The following ADGRL3 variants were observed in gnomAD, a reference collection of about 807,000 sequenced individuals.
ADGRL3 encodes the protein calcium-independent alpha-latrotoxin receptor 3.
In ADGRL3, 62 loss-of-function variants were observed where a neutral mutation model predicts 153.5. The observed-to-expected ratio is 0.40, with a 90% confidence interval of 0.33 to 0.50. The LOEUF (loss-of-function observed/expected upper bound fraction) is 0.50, where lower values mean the gene tolerates loss of function less well. Among genes scored for constraint, ADGRL3 ranks in the 20% least tolerant of loss-of-function variants. ADGRL3 has a pLI of 0.47. For synonymous variants in ADGRL3, 710 were observed against 672.5 expected (o/e 1.06, Z -0.86); for missense variants, 1,641 against 1,859.4 (o/e 0.88, Z 2.16).
intron 6 of ADGRL3, among the ~76,000 whole-genome samples, chr4:61,712,711 C>T (rs1255571080): frequency 6.6e-6 from 1 of 152,162 alleles, no homozygotes; most frequent in African/African-American, 2.4e-5. Context: ...AGTTACATCA[C>T]TGATACCACT....
At position 61,215,472 on chromosome 4, in the gene ADGRL3, T is replaced by C. The variant is rs976488360; in HGVS notation, c.-240+13707T>C. Among the ~76,000 whole-genome samples, 7 of 151,996 alleles carry C rather than the reference T, an allele frequency of 4.6e-5. No homozygotes were observed. The East Asian group carries it at 5.8e-4, about 13-fold the overall frequency. ...TTTTAGTTTCCTTAAAAATATATTG[T>C]CAAGAGTTGAAGTAACTTGCCCAAA... On this transcript the variant is annotated intron_variant, in intron 1 of 26. Coordinates refer to ENST00000683033, the MANE Select transcript of ADGRL3 (RefSeq NM_001387552.1).
chr4:61,316,549 C>T (rs749703577), intron 1 of ADGRL3, among the ~76,000 whole-genome samples: 1 of 152,142 alleles, frequency 6.6e-6, no homozygotes, highest in East Asian at 1.9e-4. Flanking sequence ...GGAAGAATGA[C>T]GTATCTTGTT....
intron 4 of ADGRL3, 86 bp from the exon 5 acceptor site, chr4:61,587,141 C>T: frequency 2.5e-6 from 2 of 796,840 alleles, no homozygotes; most frequent in East Asian, 2.7e-5. Flanking sequence ...ATTGATTTAC[C>T]CCAAACATTG....
At chr4:61,678,267 A>T (rs558344350) in intron 6 of ADGRL3, among the ~76,000 whole-genome samples, 3 of 152,164 alleles carry the variant, frequency 2.0e-5, no homozygotes, top group Admixed American at 1.3e-4. Context: ...TCTATCAAGG[A>T]ATTTTATTTA....
intron 9 of ADGRL3, among the ~76,000 whole-genome samples, chr4:61,879,474 T>A (rs2149468179): frequency 6.6e-6 from 1 of 152,276 alleles, no homozygotes; most frequent in African/African-American, 2.4e-5. Context: ...AGCCCAAAGG[T>A]AATTTTATAC....
intron 1 of ADGRL3, among the ~76,000 whole-genome samples, chr4:61,222,839 G>T (rs1312635214): frequency 6.6e-6 from 1 of 152,032 alleles, no homozygotes; most frequent in Non-Finnish European, 1.5e-5. Context: ...TTCCTCTTAG[G>T]GGTCCTTAAT....
intron 4 of ADGRL3, among the ~76,000 whole-genome samples, chr4:61,580,020 G>T (rs1442415398): frequency 7.2e-5 from 11 of 152,062 alleles, no homozygotes; most frequent in Admixed American, 3.3e-4. Flanking sequence ...ATGACACGGA[G>T]AAAATACATG....
At position 61,381,129 on chromosome 4, in the gene ADGRL3, A is replaced by G. The variant is rs184414092; in HGVS notation, c.-239-1995A>G. The stretch of plus-strand genomic sequence containing the variant: ...ATTGAGAAAGGCATTGAGATGTTGA[A>G]TAGCCAAAGTGTAAATGGAAGACTC... On this transcript the variant is annotated intron_variant, in intron 1 of 26. Coordinates refer to ENST00000683033, the MANE Select transcript of ADGRL3 (RefSeq NM_001387552.1). 1.6e-4 allele frequency among the ~76,000 whole-genome samples: 25 copies of G among 152,124 alleles called. No individual in the cohort carries two copies. The East Asian group carries it at 4.6e-3, about 28-fold the overall frequency.
intron 21 of ADGRL3, among the ~76,000 whole-genome samples, chr4:62,011,549 G>A (rs2099186631): frequency 6.6e-6 from 1 of 151,902 alleles, no homozygotes; most frequent in African/African-American, 2.4e-5. Flanking sequence ...ATTCTTTTAT[G>A]GTCTATTTCA....
chr4:61,479,375 A>G (rs2098106982), intron 2 of ADGRL3, among the ~76,000 whole-genome samples: 1 of 152,104 alleles, frequency 6.6e-6, no homozygotes, highest in African/African-American at 2.4e-5. Context: ...AAAAAAATGT[A>G]TTGCTTATAT....
chr4:61,248,975 C>G (rs1758145246), intron 1 of ADGRL3, among the ~76,000 whole-genome samples: 1 of 152,148 alleles, frequency 6.6e-6, no homozygotes, highest in African/African-American at 2.4e-5. Flanking sequence ...CTAACTGTAG[C>G]AATTTTGATT....
chr4:61,594,785 T>G lies in ADGRL3; in HGVS notation c.473+7345T>G, dbSNP rs144849622. Reference sequence around the variant, plus strand: ...AGTGAGTTCCTCAGGCCCTGGGGAGTGTCCAGAGATGCTGTCTGGGAGCCA... The same window carrying G: ...AGTGAGTTCCTCAGGCCCTGGGGAGGGTCCAGAGATGCTGTCTGGGAGCCA... On this transcript the variant is annotated intron_variant, in intron 5 of 26. Coordinates refer to ENST00000683033, the MANE Select transcript of ADGRL3 (RefSeq NM_001387552.1). Among the ~76,000 whole-genome samples the G allele has an allele frequency of 6.2e-3, 945 of 152,046 alleles. 10 individuals carry two copies. Among genetic ancestry groups the G allele is most frequent in the African/African-American group, 0.021 (859 of 41,466 alleles).
At chr4:61,797,404 C>A (rs115539815) in intron 8 of ADGRL3, among the ~76,000 whole-genome samples, 21 of 151,968 alleles carry the variant, frequency 1.4e-4, no homozygotes, top group Non-Finnish European at 2.8e-4. Flanking sequence ...CCGAACTTAA[C>A]GCAAATTTTA....
At chr4:61,447,606 A>G (rs748906164) in intron 2 of ADGRL3, among the ~76,000 whole-genome samples, 9 of 152,234 alleles carry the variant, frequency 5.9e-5, no homozygotes, top group Non-Finnish European at 8.8e-5. Context: ...CATTGTACAT[A>G]GAAAGGATAC....
At chr4:61,563,897 A>G (rs534891610) in intron 4 of ADGRL3, among the ~76,000 whole-genome samples, 2 of 151,966 alleles carry the variant, frequency 1.3e-5, no homozygotes, top group Non-Finnish European at 2.9e-5. Context: ...GATCCCAGCT[A>G]CTCGAGAGGC....
At chr4:62,024,148 A>G (rs1347363644) in intron 21 of ADGRL3, among the ~76,000 whole-genome samples, 1 of 152,156 alleles carries the variant, frequency 6.6e-6, no homozygotes, top group Admixed American at 6.6e-5. Context: ...TGTAGAGAAA[A>G]TAAAATCTTA....
intron 5 of ADGRL3, among the ~76,000 whole-genome samples, chr4:61,626,065 T>G (rs1377377651): frequency 6.6e-6 from 1 of 152,016 alleles, no homozygotes; most frequent in Non-Finnish European, 1.5e-5. Context: ...TGGCTTTCTA[T>G]TTGACCTTAA....
At chr4:61,663,280 AC>A (rs2094667105) in intron 5 of ADGRL3, among the ~76,000 whole-genome samples, 1 of 152,142 alleles carries the variant, frequency 6.6e-6, no homozygotes, top group Non-Finnish European at 1.5e-5. Flanking sequence ...GGGCTGTGAC[AC>A]CCTCTTTGGA....
intron 5 of ADGRL3, among the ~76,000 whole-genome samples, chr4:61,647,814 G>A (rs1316450698): frequency 6.6e-6 from 1 of 151,950 alleles, no homozygotes; most frequent in African/African-American, 2.4e-5. Context: ...TTTATTAATA[G>A]CCCTTTATTT....
Sources: allele counts gnomAD v4.1 joint callset (sites outside exome capture counted in the v4.1 genomes callset), GRCh38; gene constraint gnomAD v4.1.1; transcripts MANE v1.5; gene names NCBI Gene and HGNC (gene_info 2026-07-23, HGNC 2026-07-21).